PCCA: variants seen among roughly 807,000 people sequenced by gnomAD.
PCCA encodes the protein propionyl-CoA carboxylase subunit alpha, also known as propionyl-CoA carboxylase alpha chain, mitochondrial.
In PCCA, 74 loss-of-function variants were observed where a neutral mutation model predicts 101.3. The ratio of observed to expected loss-of-function variants is 0.73; its 90% CI spans 0.61 to 0.89. The LOEUF is 0.89. Ranked by LOEUF, PCCA falls within the 40% of genes least tolerant of loss-of-function variation. PCCA has a pLI of 0.00. For synonymous variants in PCCA, 294 were observed against 313.6 expected, an observed-to-expected ratio of 0.94 and a Z score of 0.66; for missense variants, 891 against 907.0, an observed-to-expected ratio of 0.98 and a Z score of 0.23.
intron 6 of PCCA, among the ~76,000 whole-genome samples, chr13:100,168,955 A>C (rs2055335278): frequency 6.6e-6 from 1 of 152,052 alleles, no homozygotes; most frequent in South Asian, 2.1e-4. Context: ...TTGTTTTGTT[A>C]TTTTAATTTT....
intron 19 of PCCA, among the ~76,000 whole-genome samples, chr13:100,421,724 G>T (rs188651868): frequency 6.6e-6 from 1 of 151,748 alleles, no homozygotes; most frequent in Non-Finnish European, 1.5e-5. Flanking sequence ...CCGCTCTGTC[G>T]TGCAGGCTGG....
At chr13:100,527,408 C>T in intron 22 of PCCA, 1 of 549,356 alleles carries the variant, frequency 1.8e-6, no homozygotes. Context: ...CTCAGAGATC[C>T]CCAGGGTAGG....
chr13:100,475,681 G>T (rs754856572), intron 21 of PCCA, among the ~76,000 whole-genome samples: 2 of 152,130 alleles, frequency 1.3e-5, no homozygotes, highest in Non-Finnish European at 2.9e-5. Flanking sequence ...TTTCCAGGTG[G>T]TGTAGTAACT....
chr13:100,419,482 A>G (rs572712957), intron 19 of PCCA, among the ~76,000 whole-genome samples: 1 of 152,144 alleles, frequency 6.6e-6, no homozygotes, highest in South Asian at 2.1e-4. Flanking sequence ...AAAAAAAAAA[A>G]AAAGAAAAGA....
intron 6 of PCCA, among the ~76,000 whole-genome samples, chr13:100,194,580 G>A (rs112897599): frequency 0.024 from 3,634 of 152,172 alleles, 143 homozygotes; most frequent in African/African-American, 0.083. Flanking sequence ...ACCACACCCA[G>A]CTAATTTTTT....
intron 4 of PCCA, among the ~76,000 whole-genome samples, chr13:100,145,862 A>G (rs1448522165): frequency 7.0e-6 from 1 of 142,996 alleles, no homozygotes; most frequent in Non-Finnish European, 1.5e-5. Context: ...ACTCCGTCTC[A>G]AAAAAAAAAA....
At chr13:100,180,235 A>C (rs1376019718) in intron 6 of PCCA, among the ~76,000 whole-genome samples, 1 of 152,188 alleles carries the variant, frequency 6.6e-6, no homozygotes, top group African/African-American at 2.4e-5. Flanking sequence ...AGGAGCAGAA[A>C]AATTTAAAGA....
intron 21 of PCCA, among the ~76,000 whole-genome samples, chr13:100,486,067 C>G: frequency 6.6e-6 from 1 of 152,164 alleles, no homozygotes; most frequent in East Asian, 1.9e-4. Context: ...TATGGCAGGT[C>G]GGAGCCCATC....
intron 22 of PCCA, among the ~76,000 whole-genome samples, chr13:100,518,621 T>G (rs2087009720): frequency 6.6e-6 from 1 of 152,246 alleles, no homozygotes; most frequent in East Asian, 1.9e-4. Flanking sequence ...GAGAGGATGT[T>G]AATACACAGT....
chr13:100,150,258 C>A (rs905010186), intron 4 of PCCA, among the ~76,000 whole-genome samples: 3 of 151,904 alleles, frequency 2.0e-5, no homozygotes, highest in Admixed American at 1.3e-4. Context: ...GGTCTTGAAC[C>A]CCTGACCTTG....
intron 10 of PCCA, among the ~76,000 whole-genome samples, chr13:100,265,640 G>A (rs1014624922): frequency 1.3e-5 from 2 of 151,966 alleles, no homozygotes; most frequent in Non-Finnish European, 2.9e-5. Flanking sequence ...TTTGTATTTG[G>A]GTCGTATTGA....
rs367899534 is a variant in PCCA, at chr13:100,385,811, C to T, written c.1746+17237C>T. 1.1e-3 allele frequency among the ~76,000 whole-genome samples: 165 copies of T among 152,192 alleles called. 6 individuals are homozygous for T. In the South Asian group the frequency reaches 0.031, roughly 29 times the overall value. ...ATTTTTTATAGAGACAGGGTTTCACCATGTTGCCCAGGCTGGTCTCGAACT... is the reference window on the plus strand; with the variant it reads ...ATTTTTTATAGAGACAGGGTTTCACTATGTTGCCCAGGCTGGTCTCGAACT... On this transcript the variant is annotated intron_variant, in intron 19 of 23. Transcript: ENST00000376285.
intron 19 of PCCA, among the ~76,000 whole-genome samples, chr13:100,409,994 A>G (rs1268677427): frequency 6.6e-6 from 1 of 151,974 alleles, no homozygotes; most frequent in East Asian, 1.9e-4. Flanking sequence ...TCCTGACCTC[A>G]AGTGATCCAC....
At chr13:100,208,964 T>C (rs991140767) in intron 6 of PCCA, among the ~76,000 whole-genome samples, 2 of 152,216 alleles carry the variant, frequency 1.3e-5, no homozygotes, top group African/African-American at 4.8e-5. Flanking sequence ...TACTAGGCAT[T>C]ATGCTGCAGG....
At chr13:100,381,745 A>C (rs1444611475) in intron 19 of PCCA, among the ~76,000 whole-genome samples, 3 of 152,210 alleles carry the variant, frequency 2.0e-5, no homozygotes, top group African/African-American at 7.2e-5. Context: ...ACACGAGCGA[A>C]GGAGGCGGGA....
chr13:100,359,250 A>G (rs969800981), intron 18 of PCCA, among the ~76,000 whole-genome samples: 24 of 152,186 alleles, frequency 1.6e-4, no homozygotes, highest in African/African-American at 5.3e-4. Context: ...CAGAAAAAAT[A>G]TTTAATGTTG....
At chr13:100,179,496 T>A (rs1475358420) in intron 6 of PCCA, among the ~76,000 whole-genome samples, 1 of 152,222 alleles carries the variant, frequency 6.6e-6, no homozygotes, top group East Asian at 1.9e-4. Flanking sequence ...CGCTTGTTAA[T>A]CATTTCTGCG....
intron 21 of PCCA, among the ~76,000 whole-genome samples, chr13:100,456,418 G>A (rs950709917): frequency 6.6e-6 from 1 of 152,196 alleles, no homozygotes; most frequent in African/African-American, 2.4e-5. Context: ...GGTGTGCGGA[G>A]ACGAGAGATT....
intron 21 of PCCA, among the ~76,000 whole-genome samples, chr13:100,476,848 T>G (rs2083454035): frequency 6.6e-6 from 1 of 152,104 alleles, no homozygotes; most frequent in African/African-American, 2.4e-5. Flanking sequence ...CCAGAGTACC[T>G]GGTTGAGGGG....
Sources: gnomAD v4.1 joint callset for allele counts (sites outside exome capture counted in the v4.1 genomes callset) on GRCh38, gnomAD v4.1.1 for gene constraint, MANE v1.5 for transcripts, NCBI Gene and HGNC (gene_info 2026-07-23, HGNC 2026-07-21) for gene names.